Variants in ADGRF3 observed in about 807,000 individuals in gnomAD.
The protein encoded by ADGRF3 is G protein-coupled receptor 113.
In ADGRF3, 85 loss-of-function variants were observed where a neutral mutation model predicts 93.2. That is an observed-to-expected ratio of 0.91 (90% confidence interval 0.77 to 1.09). The LOEUF (loss-of-function observed/expected upper bound fraction) is 1.09. Ranked by LOEUF, ADGRF3 falls within the 50% of genes least tolerant of loss-of-function variation. The probability of loss-of-function intolerance (pLI) is 0.00; values close to 1 mark genes in which losing one functional copy is unlikely to be tolerated. For missense variants in ADGRF3, 1,125 were observed against 1,246.2 expected (o/e 0.90, Z 1.46); for synonymous variants, 534 against 532.5 (o/e 1.00, Z -0.04).
chr2:26,309,449 C>T (rs1673840604), intron 13 of ADGRF3, 77 bp downstream of exon 13: 5 of 1,566,772 alleles, frequency 3.2e-6, no homozygotes, highest in Non-Finnish European at 4.3e-6. Context: ...CTCTCCAGCA[C>T]TTTGCCAGGA....
chr2:26,332,635 G>A (rs1332710375), intron 1 of ADGRF3, among the ~76,000 whole-genome samples: 1 of 152,134 alleles, frequency 6.6e-6, no homozygotes, highest in Non-Finnish European at 1.5e-5. Context: ...AGCTACTTGG[G>A]AGGCTGAGGT....
chr2:26,338,872 T>C (rs1676203374), intron 1 of ADGRF3, among the ~76,000 whole-genome samples: 1 of 151,892 alleles, frequency 6.6e-6, no homozygotes, highest in Non-Finnish European at 1.5e-5. Context: ...GTGCGGTGGC[T>C]CACGCCTGTA....
At chr2:26,340,944 A>G (rs549947327) in intron 1 of ADGRF3, among the ~76,000 whole-genome samples, 1 of 152,360 alleles carries the variant, frequency 6.6e-6, no homozygotes, top group South Asian at 2.1e-4. Flanking sequence ...AAATATGTAG[A>G]TGGTCTAAAT....
At chr2:26,339,260 C>T (rs1455754295) in intron 1 of ADGRF3, among the ~76,000 whole-genome samples, 1 of 152,072 alleles carries the variant, frequency 6.6e-6, no homozygotes, top group Non-Finnish European at 1.5e-5. Flanking sequence ...CTTTGGGAGG[C>T]CGAGGTGGGT....
In ADGRF3 at chr2:26,336,086, A is replaced by C. The variant is rs1022629721; in HGVS notation, c.114+10035T>G. The stretch of plus-strand genomic sequence containing the variant: ...GACAGAAAAGAATAGATAATTTCCT[A>C]ACATAAACATAAAGGTATGCACAGG... On this transcript the variant is annotated intron_variant, in intron 1 of 13. Transcript: ENST00000651242. 3.9e-5 allele frequency among the ~76,000 whole-genome samples: 6 copies of C among 152,186 alleles called. No homozygotes were observed. In the East Asian group the frequency reaches 1.2e-3, roughly 29 times the overall value.
chr2:26,310,343 C>CA (rs1246576407), intron 10 of ADGRF3, 106 bp from the exon 11 acceptor site: 48 of 1,284,754 alleles, frequency 3.7e-5, no homozygotes, highest in Admixed American at 1.9e-4. Flanking sequence ...CTTCTCATCT[C>CA]AATTTTTCTG....
chr2:26,328,454 G>GTTTTTTTT (rs35836521), intron 1 of ADGRF3, among the ~76,000 whole-genome samples: 1 of 132,082 alleles, frequency 7.6e-6, no homozygotes. Context: ...GGCCTTTTTA[G>GTTTTTTTT]TTTTTTTTTT....
At chr2:26,338,030 A>AAAATAAATAAATAAATAGAT (rs1676153709) in intron 1 of ADGRF3, among the ~76,000 whole-genome samples, 2 of 152,154 alleles carry the variant, frequency 1.3e-5, no homozygotes, top group Non-Finnish European at 2.9e-5. Context: ...TCTCAAAAAT[A>AAAATAAATAAATAAATAGAT]AAATAAATAA....
chr2:26,315,041 A>G (rs1184207153), intron 5 of ADGRF3, among the ~76,000 whole-genome samples: 1 of 152,220 alleles, frequency 6.6e-6, no homozygotes, highest in Non-Finnish European at 1.5e-5. Context: ...ATTTTCCAAA[A>G]CATAATTAGA....
intron 1 of ADGRF3, among the ~76,000 whole-genome samples, chr2:26,330,940 G>T (rs1234621951): frequency 6.6e-6 from 1 of 152,200 alleles, no homozygotes; most frequent in African/African-American, 2.4e-5. Context: ...CTCAGTGGGA[G>T]AGACAGGGTG....
At position 26,315,547 on chromosome 2, in the gene ADGRF3, G is replaced by A. The variant is rs1241827005; in HGVS notation, c.693C>T (p.Val231=). Residue 231 remains valine (V), a synonymous_variant, in exon 5 of 14, where the codon GTC becomes GTT. Coordinates refer to ENST00000651242, the MANE Select transcript of ADGRF3 (RefSeq NM_001321971.2). ...TSSHGQAALS[V]SNMSHHWAGE... is the part of the protein sequence containing the mutation. ...CTGCCCAGTGATGGGACATGTTGGA[G>A]ACGCTGAGGGCAGCCTGGCCGTGGC... 4.6e-5 allele frequency: 72 copies of A among 1,551,256 alleles called. No homozygotes were observed. Among genetic ancestry groups the A allele is most frequent in the Non-Finnish European group, 6.1e-5 (70 of 1,146,928 alleles).
chr2:26,309,477 T>A (rs1200484688), intron 13 of ADGRF3, 49 bp downstream of exon 13: 1 of 1,593,822 alleles, frequency 6.3e-7, no homozygotes, highest in South Asian at 1.1e-5. Flanking sequence ...TGCCACACCG[T>A]CCTCAATCCA....
intron 1 of ADGRF3, among the ~76,000 whole-genome samples, chr2:26,336,719 CCATAAA>C (rs1676064597): frequency 1.4e-5 from 1 of 72,942 alleles, no homozygotes; most frequent in Non-Finnish European, 2.5e-5. Context: ...GAGTGAGACT[CCATAAA>C]AAAAAAAAAA....
At chr2:26,317,963 A>G in intron 1 of ADGRF3, 1 of 1,369,222 alleles carries the variant, frequency 7.3e-7, no homozygotes, top group Non-Finnish European at 1.0e-6. Flanking sequence ...GGTGAGCAGA[A>G]GGCAGCCTCT....
At chr2:26,313,310 G>C (rs1051477475) in intron 8 of ADGRF3, 67 bp downstream of exon 8, 4 of 1,456,448 alleles carry the variant, frequency 2.7e-6, no homozygotes, top group Non-Finnish European at 3.7e-6. Context: ...GGGTCTGCAA[G>C]CTGGGTCCTA....
intron 1 of ADGRF3, among the ~76,000 whole-genome samples, chr2:26,342,177 T>C (rs62130520): frequency 0.037 from 5,560 of 152,082 alleles, 143 homozygotes; most frequent in Middle Eastern, 0.068. Context: ...TCTGATGACC[T>C]GTGTTCCTCT....
intron 1 of ADGRF3, chr2:26,317,989 T>C: frequency 6.6e-7 from 1 of 1,507,694 alleles, no homozygotes; most frequent in Non-Finnish European, 9.0e-7. Context: ...CCGTCTTTGG[T>C]TCCTGTACAT....
intron 1 of ADGRF3, chr2:26,318,804 G>T: frequency 8.2e-7 from 1 of 1,221,436 alleles, no homozygotes; most frequent in Non-Finnish European, 1.1e-6. Context: ...AGTTCTCAGA[G>T]ATCTCATAAC....
chr2:26,317,462 TC>T (rs1389037777), intron 2 of ADGRF3, 33 bp downstream of exon 2: 1 of 1,555,960 alleles, frequency 6.4e-7, no homozygotes, highest in Non-Finnish European at 8.7e-7. Flanking sequence ...TCCCATCTCC[TC>T]CCCCTCCCTC....
Sources: gnomAD v4.1 joint callset for allele counts (sites outside exome capture counted in the v4.1 genomes callset) on GRCh38, gnomAD v4.1.1 for gene constraint, MANE v1.5 for transcripts, NCBI Gene and HGNC (gene_info 2026-07-23, HGNC 2026-07-21) for gene names.